The following ZCCHC2 variants were observed in gnomAD, a reference collection of about 807,000 sequenced individuals.
ZCCHC2 encodes the protein zinc finger CCHC-type containing 2.
In ZCCHC2, 39 loss-of-function variants were observed where a neutral mutation model predicts 103.6. The ratio of observed to expected loss-of-function variants is 0.38; its 90% confidence interval spans 0.29 to 0.49. The LOEUF is 0.49. Among genes scored for constraint, ZCCHC2 ranks in the 20% least tolerant of loss-of-function variants. The probability of loss-of-function intolerance (pLI) is 0.96; values close to 1 mark genes in which losing one functional copy is unlikely to be tolerated. For synonymous variants in ZCCHC2, 687 were observed against 608.9 expected, an observed-to-expected ratio of 1.13 and a Z score of -1.89; for missense variants, 1,483 against 1,491.0, an observed-to-expected ratio of 0.99 and a Z score of 0.09.
chr18:62,523,294 G>GCTC lies in ZCCHC2; in HGVS notation c.-131_-130insCTC. On this transcript the variant is annotated 5_prime_UTR_variant, in exon 1 of 14. Transcript: ENST00000269499. ...CCCTCGCCGGCCGAGACCCGCCCCC[G>GCTC]GCCCCGGCCCTCCCCCGGCGGCATG... 9.1e-6 allele frequency: 3 copies of GCTC among 329,000 alleles called. No homozygotes were observed. Among genetic ancestry groups the GCTC allele is most frequent in the Non-Finnish European group, 1.2e-5 (3 of 246,708 alleles). 20.4% of individuals were successfully genotyped at this position (329,000 alleles called of 1,614,324 possible). A position where few individuals can be genotyped will look rare whatever the true frequency, so the allele number is the denominator to read the frequency against.
At chr18:62,565,237 A>C (rs1330317818) in intron 11 of ZCCHC2, 141 bp downstream of exon 11, 3 of 595,622 alleles carry the variant, frequency 5.0e-6, no homozygotes, top group Non-Finnish European at 8.5e-6. Context: ...AGCAATTTCC[A>C]AATTAAACAG....
At chr18:62,556,146 C>G (rs1013767829) in intron 5 of ZCCHC2, 57 bp from the exon 6 acceptor site, 5 of 1,390,308 alleles carry the variant, frequency 3.6e-6, no homozygotes, top group Non-Finnish European at 5.0e-6. Context: ...TGAAACTGAG[C>G]TTCTTGTGGA....
Position 62,523,534 on chromosome 18 carries a change from G to C in ZCCHC2, c.110G>C (p.Arg37Pro), listed in dbSNP as rs1413372803. Residue 37 changes from arginine to proline, a missense_variant, in exon 1 of 14, where the codon CGC (arginine) becomes CCC (proline). By Grantham distance (103) the Arg-to-Pro change is moderately radical. Transcript: ENST00000269499. Reference protein sequence around the residue: ...ARPGAKAPSRRRRDCRPPPPP... With the variant: ...ARPGAKAPSRPRRDCRPPPPP... ...CCGGGCGCGAAGGCGCCTTCGCGCC[G>C]CCGCCGCGACTGCCGCCCCCCGCCG... The C allele has an allele frequency of 1.1e-6, 1 of 949,614 alleles. No homozygotes were observed. Among genetic ancestry groups the C allele is most frequent in the Admixed American group, 7.3e-5 (1 of 13,692 alleles). 58.8% of individuals were successfully genotyped at this position (949,614 alleles called of 1,614,324 possible).
At chr18:62,560,879 T>G (rs1352711010) in intron 8 of ZCCHC2, among the ~76,000 whole-genome samples, 2 of 152,136 alleles carry the variant, frequency 1.3e-5, no homozygotes, top group Admixed American at 6.5e-5. Context: ...TCTTTGATAG[T>G]TTTACAATGA....
chr18:62,557,110 C>T (rs953171131), intron 6 of ZCCHC2, among the ~76,000 whole-genome samples: 2 of 152,200 alleles, frequency 1.3e-5, no homozygotes, highest in African/African-American at 2.4e-5. Context: ...TCACCTCTTC[C>T]ACGAAGCTTT....
At position 62,575,114 on chromosome 18, in the gene ZCCHC2, T is replaced by C. The variant is rs550027079; in HGVS notation, c.3033T>C (p.Pro1011=). 4.3e-6 allele frequency: 7 copies of C among 1,614,012 alleles called. No homozygotes were observed. Among genetic ancestry groups the C allele is most frequent in the Non-Finnish European group, 5.1e-6 (6 of 1,179,896 alleles). The change falls in exon 13 of 14, where the codon CCT becomes CCC. Residue 1011 remains proline, a synonymous_variant. Transcript: ENST00000269499. The part of the protein sequence containing the change: ...VVPPQQMGSG[P]CGSCGRRCSC... The stretch of plus-strand genomic sequence containing the variant: ...CACCGCAGCAGATGGGCTCAGGTCC[T>C]TGTGGTTCTTGTGGGCGAAGGTGCA...
intron 7 of ZCCHC2, among the ~76,000 whole-genome samples, chr18:62,559,956 G>T (rs548755653): frequency 1.3e-5 from 2 of 152,322 alleles, no homozygotes; most frequent in Admixed American, 6.5e-5. Context: ...ATCTAGAGAT[G>T]ATTTAAAATA....
chr18:62,561,118 G>C (rs1916097536), intron 8 of ZCCHC2, among the ~76,000 whole-genome samples: 4 of 152,050 alleles, frequency 2.6e-5, no homozygotes, highest in Admixed American at 2.6e-4. Context: ...TCCTTCCTGT[G>C]TCTCTGAGCA....
chr18:62,554,283 T>C (rs780012219), intron 5 of ZCCHC2, among the ~76,000 whole-genome samples: 10 of 152,174 alleles, frequency 6.6e-5, no homozygotes, highest in Non-Finnish European at 1.3e-4. Context: ...AACTGAGAAA[T>C]AGGAAGTACT....
rs1419860042 is a variant in ZCCHC2, at chr18:62,523,664, T to A, written c.240T>A (p.Gly80=). ...PVAGGAAAGA[G]MPGGGGGPSA... Reference sequence around the variant, plus strand: ...CTGGTGGAGCGGCGGCGGGGGCGGGTATGCCGGGCGGCGGCGGGGGGCCCT... The same window carrying A: ...CTGGTGGAGCGGCGGCGGGGGCGGGAATGCCGGGCGGCGGCGGGGGGCCCT... The change falls in exon 1 of 14, where the codon GGT becomes GGA. Residue 80 remains glycine, a synonymous_variant. Coordinates refer to ENST00000269499, the MANE Select transcript of ZCCHC2 (RefSeq NM_017742.6). The A allele has an allele frequency of 2.5e-5, 33 of 1,334,626 alleles. No individual in the cohort carries two copies. The African/African-American group carries it at 5.1e-4, about 21-fold the overall frequency. 82.7% of individuals were successfully genotyped at this position (1,334,626 alleles called of 1,614,324 possible). A position where few individuals can be genotyped will look rare whatever the true frequency, so the allele number is the denominator to read the frequency against.
intron 12 of ZCCHC2, 85 bp downstream of exon 12, chr18:62,570,316 TCAAA>T: frequency 6.7e-7 from 1 of 1,501,644 alleles, no homozygotes; most frequent in Non-Finnish European, 9.0e-7. Flanking sequence ...CATGTCAAAG[TCAAA>T]CAAGGAATTT....
intron 13 of ZCCHC2, among the ~76,000 whole-genome samples, chr18:62,575,827 T>TG (rs1391797942): frequency 1.4e-4 from 22 of 152,234 alleles, no homozygotes; most frequent in Admixed American, 1.4e-3. Context: ...CATTCTGTAA[T>TG]GTTAAATCTC....
chr18:62,536,460 T>A (rs1205098417), intron 1 of ZCCHC2, among the ~76,000 whole-genome samples: 1 of 152,252 alleles, frequency 6.6e-6, no homozygotes, highest in African/African-American at 2.4e-5. Context: ...TTTCATCTGT[T>A]CTGCATTTTC....
chr18:62,530,507 A>G (rs1914630430), intron 1 of ZCCHC2, among the ~76,000 whole-genome samples: 1 of 152,094 alleles, frequency 6.6e-6, no homozygotes, highest in African/African-American at 2.4e-5. Flanking sequence ...GTTTTCAGGA[A>G]TATGGTTTGT....
intron 11 of ZCCHC2, among the ~76,000 whole-genome samples, chr18:62,567,501 T>A (rs903243975): frequency 6.6e-6 from 1 of 152,236 alleles, no homozygotes; most frequent in Non-Finnish European, 1.5e-5. Context: ...CAAAGATCGC[T>A]CCCAGCCCTC....
intron 4 of ZCCHC2, among the ~76,000 whole-genome samples, chr18:62,548,985 CAG>C (rs1439436625): frequency 2.0e-5 from 3 of 151,440 alleles, no homozygotes; most frequent in Non-Finnish European, 4.4e-5. Context: ...TTTGGGGGGT[CAG>C]GGCGGGTGGA....
chr18:62,578,980 C>G (rs1471590358), downstream of ZCCHC2, among the ~76,000 whole-genome samples: 1 of 152,166 alleles, frequency 6.6e-6, no homozygotes, highest in Non-Finnish European at 1.5e-5. Flanking sequence ...GTTGGCCAGG[C>G]TGGTCTTGAA....
rs1290566683 is a variant in ZCCHC2, at chr18:62,563,015, T to G, written c.1557T>G (p.Ile519Met). 1.2e-6 allele frequency: 2 copies of G among 1,606,916 alleles called. No individual in the cohort carries two copies. The highest frequency in any genetic ancestry group is 2.2e-5 in the South Asian group (2 of 90,840). Residue 519 changes from isoleucine to methionine, a missense_variant, in exon 9 of 14, where the codon ATT becomes ATG. By Grantham distance (10) the Ile-to-Met change is conservative. This residue lies in a region of ZCCHC2 where 884 missense variants were observed against 907.5 expected (regional missense o/e 0.97). Coordinates refer to ENST00000269499, the MANE Select transcript of ZCCHC2 (RefSeq NM_017742.6). ...ATAAACTTTTCTTTGGTAGCAATAT[T>G]GGTACAAGTTGTTCTCCATTGGATG... ...HTGKSPIVNN[I>M]GTSCSPLDGL... is the part of the protein sequence containing the mutation.
downstream of ZCCHC2, among the ~76,000 whole-genome samples, chr18:62,580,234 G>C (rs767889485): frequency 6.6e-6 from 1 of 152,116 alleles, no homozygotes; most frequent in Non-Finnish European, 1.5e-5. Flanking sequence ...TTGTGGGGAA[G>C]AATATAGATA....
Sources: gnomAD v4.1 joint callset for allele counts (sites outside exome capture counted in the v4.1 genomes callset) on GRCh38, gnomAD v4.1.1 for gene constraint, gnomAD v4.1.1 regional missense constraint, MANE v1.5 for transcripts, NCBI Gene and HGNC (gene_info 2026-07-23, HGNC 2026-07-21) for gene names.